Variants in PTPRD observed in about 807,000 individuals in gnomAD.
PTPRD encodes the protein protein tyrosine phosphatase receptor type D.
PTPRD carries 34 observed loss-of-function variants against 214.5 expected under a neutral mutation model. The ratio of observed to expected loss-of-function variants is 0.16; its 90% CI spans 0.12 to 0.21. The LOEUF (loss-of-function observed/expected upper bound fraction) is 0.21. Among genes scored for constraint, PTPRD ranks in the 10% least tolerant of loss-of-function variants. The pLI is 1.00. For synonymous variants in PTPRD, 1,128 were observed against 845.7 expected (o/e 1.33, Z -5.79); for missense variants, 2,545 against 2,398.7 (o/e 1.06, Z -1.27).
intron 4 of PTPRD, among the ~76,000 whole-genome samples, chr9:10,015,074 G>A (rs1167458852): frequency 3.3e-5 from 5 of 152,090 alleles, no homozygotes; most frequent in African/African-American, 4.8e-5. Flanking sequence ...TTACTCACAG[G>A]TATGGAACTC....
At chr9:10,266,914 G>C (rs1409797725) in intron 3 of PTPRD, among the ~76,000 whole-genome samples, 2 of 152,056 alleles carry the variant, frequency 1.3e-5, no homozygotes, top group African/African-American at 2.4e-5. Flanking sequence ...CAGGGGGTTG[G>C]GCATGGTGGC....
At chr9:10,377,639 G>A in intron 2 of PTPRD, among the ~76,000 whole-genome samples, 1 of 152,042 alleles carries the variant, frequency 6.6e-6, no homozygotes, top group East Asian at 1.9e-4. Context: ...TTTTATGGCT[G>A]CATAGTATTC....
intron 7 of PTPRD, among the ~76,000 whole-genome samples, chr9:9,660,642 T>C (rs2096605292): frequency 1.3e-5 from 2 of 152,120 alleles, no homozygotes; most frequent in Admixed American, 1.3e-4. Flanking sequence ...ATTTCTTGAT[T>C]TGTCTCACCA....
intron 4 of PTPRD, 30 bp downstream of exon 4, chr9:10,033,688 A>C (rs962173735): frequency 6.6e-6 from 1 of 152,094 alleles, no homozygotes; most frequent in Non-Finnish European, 1.5e-5. Flanking sequence ...TTGAGCATTA[A>C]AAAGAAAAAT....
intron 7 of PTPRD, among the ~76,000 whole-genome samples, chr9:9,722,466 T>G (rs2097973894): frequency 6.6e-6 from 1 of 152,102 alleles, no homozygotes; most frequent in South Asian, 2.1e-4. Flanking sequence ...AATTTATTCA[T>G]CAATTGATGG....
At chr9:9,092,647 T>A (rs2099777923) in intron 10 of PTPRD, among the ~76,000 whole-genome samples, 1 of 152,054 alleles carries the variant, frequency 6.6e-6, no homozygotes, top group African/African-American at 2.4e-5. Flanking sequence ...TGAAAATTTG[T>A]CTATTTAGGA....
At chr9:9,308,054 A>T (rs1023896252) in intron 9 of PTPRD, among the ~76,000 whole-genome samples, 4 of 152,182 alleles carry the variant, frequency 2.6e-5, no homozygotes, top group Non-Finnish European at 5.9e-5. Context: ...ACTCAGCTTA[A>T]TATTTGAGCT....
chr9:8,336,628 CAAAAAAAA>C (rs764320816), intron 43 of PTPRD, among the ~76,000 whole-genome samples: 1 of 114,600 alleles, frequency 8.7e-6, no homozygotes, highest in African/African-American at 3.4e-5. Flanking sequence ...TTCTGCAGAG[CAAAAAAAA>C]AAAAAAAAAA....
intron 11 of PTPRD, among the ~76,000 whole-genome samples, chr9:8,832,206 C>G (rs1315470976): frequency 6.6e-6 from 1 of 151,780 alleles, no homozygotes; most frequent in Admixed American, 6.6e-5. Context: ...GCAATAAAAA[C>G]GTTATGCCAA....
chr9:9,592,992 C>T (rs906789215), intron 7 of PTPRD, among the ~76,000 whole-genome samples: 5 of 151,314 alleles, frequency 3.3e-5, no homozygotes, highest in African/African-American at 1.2e-4. Context: ...CTGCAGTGAG[C>T]CAAGATTGTG....
intron 7 of PTPRD, among the ~76,000 whole-genome samples, chr9:9,590,846 C>G (rs2092651688): frequency 6.6e-6 from 1 of 151,956 alleles, no homozygotes; most frequent in Admixed American, 6.6e-5. Context: ...GATATTAACT[C>G]TTTCTCACGT....
Position 9,309,736 on chromosome 9 carries a change from T to C in PTPRD, c.-203+87713A>G, listed in dbSNP as rs114011823. On this transcript the variant is annotated intron_variant, in intron 9 of 45. Transcript: ENST00000381196. ...ATGGTACAACGTTATTCTGCTAATG[T>C]AGTCTCTCATCCATACTGCCACAGC... Among the ~76,000 whole-genome samples the C allele has an allele frequency of 2.6e-3, 396 of 152,334 alleles. 3 individuals carry two copies. The highest frequency in any genetic ancestry group is 9.0e-3 in the African/African-American group (375 of 41,584).
At chr9:8,725,949 G>C (rs2098551731) in intron 12 of PTPRD, among the ~76,000 whole-genome samples, 1 of 151,540 alleles carries the variant, frequency 6.6e-6, no homozygotes, top group Non-Finnish European at 1.5e-5. Flanking sequence ...GGCTGGTGTA[G>C]GCCCACACTG....
intron 11 of PTPRD, among the ~76,000 whole-genome samples, chr9:8,854,974 C>A (rs2097887905): frequency 6.6e-6 from 1 of 152,092 alleles, no homozygotes. Flanking sequence ...TTTCTCTTTT[C>A]TATTTTTCAC....
chr9:8,967,234 T>G (rs1464910938), intron 11 of PTPRD, among the ~76,000 whole-genome samples: 3 of 152,072 alleles, frequency 2.0e-5, no homozygotes, highest in African/African-American at 7.2e-5. Context: ...TGGAAAGCAG[T>G]TTGGAGATTC....
chr9:8,683,557 G>A (rs2097596893), intron 12 of PTPRD, among the ~76,000 whole-genome samples: 1 of 152,146 alleles, frequency 6.6e-6, no homozygotes, highest in Non-Finnish European at 1.5e-5. Context: ...TCAAGGAAAA[G>A]GAGGAAGAAA....
intron 6 of PTPRD, among the ~76,000 whole-genome samples, chr9:9,759,553 G>GTTTTTTTTTTTTTTTTTT (rs1597016286): frequency 1.5e-5 from 2 of 130,756 alleles, no homozygotes; most frequent in East Asian, 7.1e-4. Context: ...GTCAAGGTCT[G>GTTTTTTTTTTTTTTTTTT]TCTTTTTTTT....
chr9:10,214,216 C>T (rs2099530155), intron 3 of PTPRD, among the ~76,000 whole-genome samples: 2 of 152,072 alleles, frequency 1.3e-5, no homozygotes, highest in East Asian at 1.9e-4. Context: ...TGGAAATTCC[C>T]ATCTACAAGT....
chr9:9,127,646 T>C (rs574309025), intron 10 of PTPRD, among the ~76,000 whole-genome samples: 175 of 152,304 alleles, frequency 1.1e-3, no homozygotes, highest in African/African-American at 3.6e-3. Context: ...TTCAGATATA[T>C]GCTAAATAAG....
Sources: allele counts gnomAD v4.1 joint callset (sites outside exome capture counted in the v4.1 genomes callset), GRCh38; gene constraint gnomAD v4.1.1; transcripts MANE v1.5; gene names NCBI Gene and HGNC (gene_info 2026-07-23, HGNC 2026-07-21).